MAST4: variants seen among roughly 807,000 people sequenced by gnomAD.
MAST4 encodes microtubule-associated serine/threonine-protein kinase 4.
In MAST4, 89 loss-of-function variants were observed where a neutral mutation model predicts 162.7. That is an observed-to-expected ratio of 0.55 (90% CI 0.46 to 0.65). The LOEUF (loss-of-function observed/expected upper bound fraction) is 0.65, where lower values mean the gene tolerates loss of function less well. Among genes scored for constraint, MAST4 ranks in the 30% least tolerant of loss-of-function variants. The pLI is 0.00. For missense variants in MAST4, 3,153 were observed against 3,374.0 expected, an observed-to-expected ratio of 0.93 and a Z score of 1.62; for synonymous variants, 1,479 against 1,361.1, an observed-to-expected ratio of 1.09 and a Z score of -1.91.
intron 4 of MAST4, among the ~76,000 whole-genome samples, chr5:66,936,638 A>G (rs865894358): frequency 1.3e-5 from 2 of 152,212 alleles, no homozygotes; most frequent in African/African-American, 4.8e-5. Flanking sequence ...GTCATCAGTT[A>G]AGGCAGGAAC....
chr5:66,647,373 G>A (rs1745910989), intron 1 of MAST4, among the ~76,000 whole-genome samples: 1 of 151,980 alleles, frequency 6.6e-6, no homozygotes, highest in South Asian at 2.1e-4. Context: ...CCTTGAGTAC[G>A]ACATCAAAAC....
chr5:66,648,503 G>A (rs1746011380), intron 1 of MAST4, among the ~76,000 whole-genome samples: 2 of 152,046 alleles, frequency 1.3e-5, no homozygotes, highest in African/African-American at 2.4e-5. Context: ...GACAGTAATG[G>A]CTTGGTGACT....
chr5:66,602,762 A>G (rs1159921647), intron 1 of MAST4, among the ~76,000 whole-genome samples: 1 of 152,160 alleles, frequency 6.6e-6, no homozygotes, highest in African/African-American at 2.4e-5. Flanking sequence ...GTTGCCAGAA[A>G]GGGCTTGCAT....
intron 4 of MAST4, among the ~76,000 whole-genome samples, chr5:67,017,238 T>C (rs1753413323): frequency 6.6e-6 from 1 of 152,222 alleles, no homozygotes; most frequent in Non-Finnish European, 1.5e-5. Context: ...AGAAAAACTT[T>C]ACTGGCCATC....
chr5:66,646,296 A>T (rs1353922561), intron 1 of MAST4, among the ~76,000 whole-genome samples: 2 of 152,192 alleles, frequency 1.3e-5, no homozygotes, highest in Non-Finnish European at 2.9e-5. Context: ...AGAGCCCAAC[A>T]TTTATAAGGG....
chr5:67,084,231 G>A (rs780838036), intron 5 of MAST4, among the ~76,000 whole-genome samples: 3 of 152,092 alleles, frequency 2.0e-5, no homozygotes, highest in African/African-American at 4.8e-5. Context: ...TTACATGTCC[G>A]TTTATCAACA....
chr5:66,737,796 GATCA>G (rs1396974811), intron 1 of MAST4, among the ~76,000 whole-genome samples: 30 of 152,090 alleles, frequency 2.0e-4, no homozygotes, highest in Admixed American at 1.5e-3. Context: ...TCTTGACTTC[GATCA>G]ATCAGAGAAT....
chr5:66,870,859 G>A lies in MAST4; in HGVS notation c.643-29092G>A. ...GGACCCAGCTGCTTCAAAAGTGAGT[G>A]TGTCCTGTTGCCCTGGGCAACGGGT... On this transcript the variant is annotated intron_variant, in intron 3 of 28. Coordinates refer to ENST00000403625, the MANE Select transcript of MAST4 (RefSeq NM_001164664.2). 1.1e-5 allele frequency: 5 copies of A among 471,444 alleles called. 1 individual carries two copies. The Middle Eastern group carries it at 1.6e-3, about 153-fold the overall frequency. 29.2% of individuals were successfully genotyped at this position (471,444 alleles called of 1,614,324 possible).
At chr5:66,881,380 T>A (rs1311444646) in intron 3 of MAST4, among the ~76,000 whole-genome samples, 2 of 152,214 alleles carry the variant, frequency 1.3e-5, no homozygotes, top group African/African-American at 4.8e-5. Flanking sequence ...AATTTCTATG[T>A]TAAGTCCACT....
At chr5:66,969,318 T>C (rs953454039) in intron 4 of MAST4, among the ~76,000 whole-genome samples, 2 of 152,196 alleles carry the variant, frequency 1.3e-5, no homozygotes, top group African/African-American at 4.8e-5. Context: ...CTAGGAGTTA[T>C]GGTGCCTGAG....
intron 14 of MAST4, among the ~76,000 whole-genome samples, chr5:67,125,584 A>G (rs530502550): frequency 2.6e-5 from 4 of 152,084 alleles, no homozygotes; most frequent in Middle Eastern, 3.2e-3. Flanking sequence ...ACGTGAACTC[A>G]TTCCTTTATA....
At chr5:67,005,195 C>T (rs943151684) in intron 4 of MAST4, 14 of 693,112 alleles carry the variant, frequency 2.0e-5, no homozygotes, top group Non-Finnish European at 3.7e-5. Context: ...TATTGGGTGA[C>T]ACTTTGAAAA....
chr5:66,828,750 T>G, intron 3 of MAST4: 1 of 1,546,404 alleles, frequency 6.5e-7, no homozygotes, highest in Non-Finnish European at 8.8e-7. Context: ...TGTAAGTGTT[T>G]AGCAGCTGCC....
intron 5 of MAST4, among the ~76,000 whole-genome samples, chr5:67,069,881 A>AGTGTGTGTGTGTGTGTGTGT (rs200867949): frequency 7.0e-6 from 1 of 142,666 alleles, no homozygotes; most frequent in African/African-American, 2.6e-5. Flanking sequence ...TTTGAGAGAA[A>AGTGTGTGTGTGTGTGTGTGT]GTGTGTGTGT....
intron 4 of MAST4, among the ~76,000 whole-genome samples, chr5:66,951,598 ATG>A (rs59043309): frequency 0.26 from 31,601 of 121,734 alleles, 3,052 homozygotes; most frequent in East Asian, 0.29. Context: ...CTCCCATGAT[ATG>A]TGTGTGTGTG....
chr5:66,769,233 A>C (rs1754252060), intron 2 of MAST4, among the ~76,000 whole-genome samples: 1 of 152,146 alleles, frequency 6.6e-6, no homozygotes, highest in African/African-American at 2.4e-5. Context: ...AAGAGTGGTG[A>C]GGAGGGTGGA....
At chr5:66,780,071 T>A (rs999780780) in intron 2 of MAST4, among the ~76,000 whole-genome samples, 1 of 152,150 alleles carries the variant, frequency 6.6e-6, no homozygotes, top group Admixed American at 6.5e-5. Context: ...AACATTGTGG[T>A]AAAAAATATA....
intron 26 of MAST4, among the ~76,000 whole-genome samples, chr5:67,156,309 G>A (rs932837943): frequency 5.9e-5 from 9 of 152,254 alleles, no homozygotes; most frequent in Middle Eastern, 3.4e-3. Context: ...GCACCCAGGC[G>A]ATGTAGCTCC....
At chr5:67,112,493 T>A (rs1272785038) in intron 11 of MAST4, among the ~76,000 whole-genome samples, 1 of 152,228 alleles carries the variant, frequency 6.6e-6, no homozygotes, top group African/African-American at 2.4e-5. Flanking sequence ...TGGTTTTACC[T>A]GTGCCTCTCA....
Sources: allele counts gnomAD v4.1 joint callset (sites outside exome capture counted in the v4.1 genomes callset), GRCh38; gene constraint gnomAD v4.1.1; transcripts MANE v1.5; gene names NCBI Gene and HGNC (gene_info 2026-07-23, HGNC 2026-07-21).